Variants in DPP6 observed in about 807,000 individuals in gnomAD.
DPP6 encodes the protein dipeptidyl peptidase like 6.
In DPP6, 69 loss-of-function variants were observed where a neutral mutation model predicts 122.6. The ratio of observed to expected loss-of-function variants is 0.56; its 90% confidence interval spans 0.46 to 0.69. The LOEUF is 0.69. Among genes scored for constraint, DPP6 ranks in the 30% least tolerant of loss-of-function variants. The pLI is 0.00. For missense variants in DPP6, 928 were observed against 1,116.9 expected, an observed-to-expected ratio of 0.83 and a Z score of 2.41; for synonymous variants, 418 against 433.1, an observed-to-expected ratio of 0.97 and a Z score of 0.43.
intron 1 of DPP6, among the ~76,000 whole-genome samples, chr7:154,261,990 GGGAAGGAA>G (rs143872084): frequency 1.3e-5 from 2 of 151,652 alleles, no homozygotes; most frequent in East Asian, 3.9e-4. Flanking sequence ...GATGTAAGCA[GGGAAGGAA>G]GGAAGGAAGG....
intron 1 of DPP6, among the ~76,000 whole-genome samples, chr7:154,070,541 A>G (rs1803044034): frequency 6.6e-6 from 1 of 152,164 alleles, no homozygotes; most frequent in Non-Finnish European, 1.5e-5. Context: ...CATGCTGTCA[A>G]ATTTTCCATC....
chr7:154,149,839 AC>A (rs1158455089), intron 1 of DPP6, among the ~76,000 whole-genome samples: 3 of 151,830 alleles, frequency 2.0e-5, no homozygotes, highest in Non-Finnish European at 4.4e-5. Flanking sequence ...CCACCGTGGT[AC>A]CCCCCGCTCC....
At chr7:154,868,814 G>A (rs1170314789) in intron 18 of DPP6, among the ~76,000 whole-genome samples, 1 of 152,196 alleles carries the variant, frequency 6.6e-6, no homozygotes, top group African/African-American at 2.4e-5. Context: ...GGAAACCCAA[G>A]TGTAAAATGC....
intron 7 of DPP6, among the ~76,000 whole-genome samples, chr7:154,673,069 C>G (rs975108232): frequency 1.3e-5 from 2 of 152,190 alleles, no homozygotes; most frequent in African/African-American, 4.8e-5. Flanking sequence ...GTACTCCCCA[C>G]ACCTGCTCCG....
intron 1 of DPP6, among the ~76,000 whole-genome samples, chr7:154,113,412 T>TATATACACACACACAC (rs1472172445): frequency 1.4e-5 from 2 of 141,790 alleles, no homozygotes; most frequent in African/African-American, 5.2e-5. Flanking sequence ...TATATATATA[T>TATATACACACACACAC]ACACACACAC....
At chr7:154,177,460 GA>G (rs1240550540) in intron 1 of DPP6, among the ~76,000 whole-genome samples, 1 of 152,144 alleles carries the variant, frequency 6.6e-6, no homozygotes, top group Non-Finnish European at 1.5e-5. Context: ...TAAATCAACA[GA>G]AAGGATAAAG....
At chr7:154,075,369 C>G (rs1313076440) in intron 1 of DPP6, among the ~76,000 whole-genome samples, 1 of 151,766 alleles carries the variant, frequency 6.6e-6, no homozygotes, top group East Asian at 1.9e-4. Flanking sequence ...ACGCCTATAG[C>G]AGTACAACTC....
chr7:154,389,326 A>G (rs754549671), intron 1 of DPP6, among the ~76,000 whole-genome samples: 1 of 152,220 alleles, frequency 6.6e-6, no homozygotes, highest in Non-Finnish European at 1.5e-5. Flanking sequence ...CTTCTGAAAG[A>G]TTAATCGTGC....
intron 1 of DPP6, among the ~76,000 whole-genome samples, chr7:154,111,316 C>A (rs1473332730): frequency 6.6e-6 from 1 of 152,174 alleles, no homozygotes; most frequent in Non-Finnish European, 1.5e-5. Flanking sequence ...CCCGGCTTGA[C>A]CACTTAGCTC....
At chr7:153,964,913 C>CCTTTCTTTCTTTCTTT (rs66803093) in intron 1 of DPP6, among the ~76,000 whole-genome samples, 4,614 of 113,332 alleles carry the variant, frequency 0.041, 195 homozygotes, top group East Asian at 0.051. Context: ...CTTTTCTTTT[C>CCTTTCTTTCTTTCTTT]CTTTCTTTCT....
At chr7:154,365,774 C>T (rs1252673228) in intron 1 of DPP6, among the ~76,000 whole-genome samples, 4 of 151,912 alleles carry the variant, frequency 2.6e-5, no homozygotes, top group South Asian at 4.1e-4. Context: ...TAACACGCCA[C>T]GGTGAAACCC....
chr7:153,976,091 C>G (rs545840432), intron 1 of DPP6, among the ~76,000 whole-genome samples: 1 of 152,088 alleles, frequency 6.6e-6, no homozygotes, highest in African/African-American at 2.4e-5. Context: ...TGTGCTTGGA[C>G]TTGGACATGA....
At chr7:153,876,886 G>C in the DPP6 span, among the ~76,000 whole-genome samples, 1 of 151,924 alleles carries the variant, frequency 6.6e-6, no homozygotes, top group Non-Finnish European at 1.5e-5. Context: ...GTAAGTAGTT[G>C]TATATCTAAA....
At chr7:154,323,961 C>A (rs1808196349) in intron 1 of DPP6, among the ~76,000 whole-genome samples, 1 of 152,198 alleles carries the variant, frequency 6.6e-6, no homozygotes, top group African/African-American at 2.4e-5. Flanking sequence ...ACTACAAAAT[C>A]TCTCTTGTAA....
the DPP6 span, among the ~76,000 whole-genome samples, chr7:153,857,778 C>T: frequency 2.0e-5 from 3 of 152,072 alleles, no homozygotes; most frequent in African/African-American, 7.2e-5. Flanking sequence ...GTTTGGTTTT[C>T]CTGATAGAAT....
intron 3 of DPP6, among the ~76,000 whole-genome samples, chr7:154,538,440 T>A (rs1828446378): frequency 6.6e-6 from 1 of 152,260 alleles, no homozygotes; most frequent in Admixed American, 6.5e-5. Flanking sequence ...CCCCTCTCTG[T>A]GTTTTCATTG....
chr7:154,889,245 T>G, intron 23 of DPP6, 27 bp from the exon 24 acceptor site: 1 of 1,609,676 alleles, frequency 6.2e-7, no homozygotes, highest in Non-Finnish European at 8.5e-7. Flanking sequence ...GCCCCCTAAC[T>G]CTGTCCCCTT....
upstream of DPP6, among the ~76,000 whole-genome samples, chr7:153,884,995 TATA>T: frequency 7.4e-6 from 1 of 134,454 alleles, no homozygotes; most frequent in South Asian, 2.8e-4. Flanking sequence ...AAAATATATA[TATA>T]TATATATATA....
chr7:154,388,786 G>A (rs2151160177), intron 1 of DPP6, among the ~76,000 whole-genome samples: 1 of 152,198 alleles, frequency 6.6e-6, no homozygotes, highest in Non-Finnish European at 1.5e-5. Flanking sequence ...GTTTATGCCT[G>A]GTAATGATAA....
Sources: allele counts gnomAD v4.1 joint callset (sites outside exome capture counted in the v4.1 genomes callset), GRCh38; gene constraint gnomAD v4.1.1; transcripts MANE v1.5; gene names NCBI Gene and HGNC (gene_info 2026-07-23, HGNC 2026-07-21).